The following DBT variants were observed in gnomAD, a reference collection of about 807,000 sequenced individuals.
The protein encoded by DBT is lipoamide acyltransferase component of branched-chain alpha-keto acid dehydrogenase complex, mitochondrial.
In DBT, 40 loss-of-function variants were observed where a neutral mutation model predicts 51.3. That is an observed-to-expected ratio of 0.78 (90% CI 0.61 to 1.02). DBT has a LOEUF of 1.02. DBT is among the 50% of genes least tolerant of loss of function. The pLI, the probability that DBT is intolerant of heterozygous loss-of-function variation, is 0.00. For synonymous variants in DBT, 181 were observed against 190.4 expected, an observed-to-expected ratio of 0.95 and a Z score of 0.41; for missense variants, 510 against 580.2, an observed-to-expected ratio of 0.88 and a Z score of 1.24.
intron 8 of DBT, among the ~76,000 whole-genome samples, chr1:100,207,244 G>C (rs2100781331): frequency 6.6e-6 from 1 of 152,278 alleles, no homozygotes; most frequent in East Asian, 1.9e-4. Context: ...GACGTCATGT[G>C]ATGTAGCCAA....
At chr1:100,243,825 T>G (rs1664373417) in intron 1 of DBT, among the ~76,000 whole-genome samples, 1 of 151,458 alleles carries the variant, frequency 6.6e-6, no homozygotes, top group Non-Finnish European at 1.5e-5. Flanking sequence ...TCAAAGAGTT[T>G]ACAACGTATG....
intron 4 of DBT, among the ~76,000 whole-genome samples, chr1:100,226,794 A>C (rs1406647168): frequency 6.6e-6 from 1 of 152,240 alleles, no homozygotes; most frequent in Non-Finnish European, 1.5e-5. Flanking sequence ...AAAAGTTAAC[A>C]GGACAATGTT....
At chr1:100,246,617 T>A (rs1337850841) in intron 1 of DBT, among the ~76,000 whole-genome samples, 1 of 152,242 alleles carries the variant, frequency 6.6e-6, no homozygotes, top group Non-Finnish European at 1.5e-5. Context: ...GGGTAAGAAC[T>A]GTTTTTGCTT....
In DBT at chr1:100,233,669, G is replaced by C. The variant is rs996419843; in HGVS notation, c.251+1767C>G. On this transcript the variant is annotated intron_variant, in intron 3 of 10. Coordinates refer to ENST00000370132, the MANE Select transcript of DBT (RefSeq NM_001918.5). The stretch of plus-strand genomic sequence containing the variant: ...ACTCACCAGCAGTTTTGCCACAAGA[G>C]TACACGGAACAAAGGAGACAGGGTC... Among the ~76,000 whole-genome samples, 3 of 152,172 alleles carry C rather than the reference G, an allele frequency of 2.0e-5. No individual in the cohort carries two copies. In the South Asian group the frequency reaches 6.2e-4, roughly 32 times the overall value.
intron 4 of DBT, among the ~76,000 whole-genome samples, chr1:100,223,569 C>A (rs1455438449): frequency 6.6e-6 from 1 of 152,152 alleles, no homozygotes; most frequent in Non-Finnish European, 1.5e-5. Context: ...TGGGCTCAAG[C>A]GATCCTCCCA....
chr1:100,209,917 G>A (rs560103149), intron 8 of DBT, among the ~76,000 whole-genome samples: 57 of 151,502 alleles, frequency 3.8e-4, no homozygotes, highest in Middle Eastern at 3.2e-3. Context: ...CTCAAAAAGA[G>A]TTTTCGGTCT....
At chr1:100,230,380 G>A (rs967336878) in intron 4 of DBT, among the ~76,000 whole-genome samples, 5 of 152,210 alleles carry the variant, frequency 3.3e-5, no homozygotes, top group East Asian at 3.9e-4. Flanking sequence ...AAGGAATAAC[G>A]TCACTGACTT....
At chr1:100,236,847 C>T (rs1663896749) in intron 2 of DBT, among the ~76,000 whole-genome samples, 1 of 152,084 alleles carries the variant, frequency 6.6e-6, no homozygotes, top group Non-Finnish European at 1.5e-5. Flanking sequence ...TGGTTCATGG[C>T]AAGGTTAAAG....
At chr1:100,213,273 C>G in intron 7 of DBT, 1 of 1,347,928 alleles carries the variant, frequency 7.4e-7, no homozygotes, top group Non-Finnish European at 9.5e-7. Context: ...CCGGGGCCGA[C>G]AGAGCCGAGC....
At chr1:100,217,821 T>C (rs1662585418) in intron 5 of DBT, among the ~76,000 whole-genome samples, 1 of 152,304 alleles carries the variant, frequency 6.6e-6, no homozygotes, top group South Asian at 2.1e-4. Flanking sequence ...CTGGCACATA[T>C]GTGCTCAAAT....
chr1:100,225,993 C>T (rs956973132), intron 4 of DBT, among the ~76,000 whole-genome samples: 1 of 152,026 alleles, frequency 6.6e-6, no homozygotes, highest in African/African-American at 2.4e-5. Flanking sequence ...GACCCCATGT[C>T]AAAAAACAAA....
intron 4 of DBT, among the ~76,000 whole-genome samples, chr1:100,223,804 G>A (rs1226411343): frequency 1.3e-5 from 2 of 151,852 alleles, no homozygotes; most frequent in Non-Finnish European, 2.9e-5. Flanking sequence ...ACTGAAACAT[G>A]GAATAGCTTT....
intron 4 of DBT, among the ~76,000 whole-genome samples, chr1:100,219,076 G>A (rs1385324911): frequency 2.6e-5 from 4 of 152,142 alleles, no homozygotes; most frequent in Non-Finnish European, 5.9e-5. Flanking sequence ...TTGTGGCTAG[G>A]TACAGTGGCT....
In DBT at chr1:100,187,341, T is replaced by C. The variant is rs1171915878; in HGVS notation, c.*8914A>G. On this transcript the variant is annotated 3_prime_UTR_variant, in exon 11 of 11. Coordinates refer to ENST00000370132, the MANE Select transcript of DBT (RefSeq NM_001918.5). ...CTGGTTTCCTATATGTTGACTGAGA[T>C]ACTTTTTACTGCATAGCAAATTAAA... The C allele has an allele frequency of 6.6e-6, 1 of 152,240 alleles. No homozygotes were observed. The highest frequency in any genetic ancestry group is 1.5e-5 in the Non-Finnish European group (1 of 68,042). 9.4% of individuals were successfully genotyped at this position (152,240 alleles called of 1,614,324 possible).
At chr1:100,234,769 T>C (rs1171235778) in intron 3 of DBT, among the ~76,000 whole-genome samples, 1 of 152,194 alleles carries the variant, frequency 6.6e-6, no homozygotes, top group Non-Finnish European at 1.5e-5. Flanking sequence ...GTTTATGTTA[T>C]TACAGTTCTC....
intron 7 of DBT, chr1:100,213,565 C>T: frequency 1.3e-6 from 2 of 1,585,038 alleles, no homozygotes; most frequent in East Asian, 2.2e-5. Context: ...ACTGCTTCAC[C>T]TTCCTGGGCA....
At chr1:100,213,364 G>C in intron 7 of DBT, 1 of 1,540,256 alleles carries the variant, frequency 6.5e-7, no homozygotes, top group African/African-American at 1.4e-5. Context: ...GCGACTACGC[G>C]TGAGGCCCGC....
chr1:100,246,896 T>G (rs1252609367), intron 1 of DBT, among the ~76,000 whole-genome samples: 2 of 152,006 alleles, frequency 1.3e-5, no homozygotes, highest in Admixed American at 6.6e-5. Flanking sequence ...GACGGATGAG[T>G]AGGTGTAACC....
intron 1 of DBT, among the ~76,000 whole-genome samples, chr1:100,245,868 C>A (rs1664501297): frequency 6.6e-6 from 1 of 152,114 alleles, no homozygotes; most frequent in Non-Finnish European, 1.5e-5. Flanking sequence ...AGGAGGACCA[C>A]TTGAGCCCAG....
Sources: gnomAD v4.1 joint callset for allele counts (sites outside exome capture counted in the v4.1 genomes callset) on GRCh38, gnomAD v4.1.1 for gene constraint, MANE v1.5 for transcripts, NCBI Gene and HGNC (gene_info 2026-07-23, HGNC 2026-07-21) for gene names.